CHRDL2: variants seen among roughly 807,000 people sequenced by gnomAD.
CHRDL2 encodes the protein chordin-like protein 2.
Under a neutral mutation model 54.3 loss-of-function variants are expected in CHRDL2, and 41 were observed. The observed-to-expected ratio is 0.76, with a 90% CI of 0.59 to 0.98. The LOEUF (loss-of-function observed/expected upper bound fraction) is 0.98, where lower values mean the gene tolerates loss of function less well. CHRDL2 is among the 50% of genes least tolerant of loss of function. CHRDL2 has a pLI of 0.00. For missense variants in CHRDL2, 518 were observed against 562.4 expected, an observed-to-expected ratio of 0.92 and a Z score of 0.80; for synonymous variants, 220 against 224.3, an observed-to-expected ratio of 0.98 and a Z score of 0.17.
Position 74,722,147 on chromosome 11 carries a change from AG to A in CHRDL2, c.83-3316del, listed in dbSNP as rs2034509973. Among the ~76,000 whole-genome samples the A allele has an allele frequency of 2.0e-5, 3 of 152,124 alleles. 1 individual carries two copies. Among genetic ancestry groups the A allele is most frequent in the Admixed American group, 2.0e-4 (3 of 15,276 alleles). On this transcript the variant is annotated intron_variant, in intron 1 of 10. Coordinates refer to ENST00000376332, the MANE Select transcript of CHRDL2 (RefSeq NM_001278473.3). ...TGTGTCACCTGAGTGTGAAGGAGGT[AG>A]AGTTTGTCTCATACCTCACTCCCTT... is the stretch of plus-strand genomic sequence containing the variant.
chr11:74,702,991 A>G (rs1317270277), intron 8 of CHRDL2, 24 bp from the exon 9 acceptor site: 2 of 1,580,938 alleles, frequency 1.3e-6, no homozygotes, highest in Non-Finnish European at 1.7e-6. Context: ...AAGCTCATGA[A>G]GTGTTCAATA....
intron 2 of CHRDL2, among the ~76,000 whole-genome samples, chr11:74,718,338 C>A (rs1262937302): frequency 6.6e-6 from 1 of 152,150 alleles, no homozygotes; most frequent in African/African-American, 2.4e-5. Context: ...CATCCTAAGG[C>A]AGGGCCAAAG....
At position 74,721,201 on chromosome 11, in the gene CHRDL2, C is replaced by T. The variant is rs537725162; in HGVS notation, c.83-2369G>A. On this transcript the variant is annotated intron_variant, in intron 1 of 10. Coordinates refer to ENST00000376332, the MANE Select transcript of CHRDL2 (RefSeq NM_001278473.3). ...GCTGGTCAGAGCCAGCCCAACTCTC[C>T]AAGGAGTGAATAATGTCTTTCTTCC... 3.5e-5 allele frequency among the ~76,000 whole-genome samples: 5 copies of T among 143,412 alleles called. No homozygotes were observed. The South Asian group carries it at 1.2e-3, about 34-fold the overall frequency. The allele number at this position is 143,412 out of a possible 152,430, so 94.1% of individuals were successfully genotyped here. A position where few individuals can be genotyped will look rare whatever the true frequency, so the allele number is the denominator to read the frequency against.
intron 3 of CHRDL2, among the ~76,000 whole-genome samples, chr11:74,711,388 T>G (rs1006648909): frequency 6.6e-6 from 1 of 152,224 alleles, no homozygotes; most frequent in Non-Finnish European, 1.5e-5. Flanking sequence ...GATACAGCAG[T>G]GAGCAAAAGA....
chr11:74,718,693 G>GACATCC lies in CHRDL2; in HGVS notation c.195+26_195+27insGGATGT, dbSNP rs748995474. On this transcript the variant is annotated intron_variant, in intron 2 of 10. Transcript: ENST00000376332. The stretch of plus-strand genomic sequence containing the variant: ...AGGGTTCTCAGACATCCCTGACACA[G>GACATCC]GTGGTCAGGTGGCCAGAGGAACCTA... The GACATCC allele has an allele frequency of 2.1e-6, 3 of 1,456,390 alleles. No individual in the cohort carries two copies. In the South Asian group the frequency reaches 3.5e-5, roughly 17 times the overall value. The allele number at this position is 1,456,390 out of a possible 1,614,324, so 90.2% of individuals were successfully genotyped here.
intron 6 of CHRDL2, among the ~76,000 whole-genome samples, chr11:74,705,547 G>A (rs879768194): frequency 2.6e-5 from 4 of 152,250 alleles, no homozygotes; most frequent in Non-Finnish European, 5.9e-5. Context: ...GGAGATGTGT[G>A]TTGAGTGGAA....
intron 9 of CHRDL2, chr11:74,699,520 G>C (rs2033729268): frequency 6.6e-6 from 1 of 152,328 alleles, no homozygotes; most frequent in Non-Finnish European, 1.5e-5. Flanking sequence ...CACCTATCTG[G>C]AGTAGGAGTG....
Position 74,704,529 on chromosome 11 carries a change from G to A in CHRDL2, c.708C>T (p.Gly236=), listed in dbSNP as rs538183788. ...TCAGGACGATCTTGACAGTTGTGCT[G>A]CCTGCTCCCTTGGGTCTGAAGTGGC... ...IPRHFRPKGA[G]STTVKIVLKE... is the part of the protein sequence containing the mutation. The change falls in exon 7 of 11, where the codon GGC becomes GGT. Residue 236 remains glycine, a synonymous_variant. Coordinates refer to ENST00000376332, the MANE Select transcript of CHRDL2 (RefSeq NM_001278473.3). The A allele has an allele frequency of 1.6e-4, 256 of 1,585,442 alleles. 3 individuals are homozygous for A. The South Asian group carries it at 1.9e-3, about 12-fold the overall frequency.
intron 2 of CHRDL2, among the ~76,000 whole-genome samples, chr11:74,716,591 CAG>C (rs1466845432): frequency 6.8e-6 from 1 of 146,724 alleles, no homozygotes; most frequent in Admixed American, 6.8e-5. Context: ...GAGAATAAGA[CAG>C]AAGCAGAGCC....
At chr11:74,713,362 A>G (rs1296857842) in intron 3 of CHRDL2, 24 bp downstream of exon 3, 2 of 1,601,800 alleles carry the variant, frequency 1.2e-6, no homozygotes, top group Admixed American at 3.3e-5. Flanking sequence ...TCCATGGACG[A>G]TGGGGAGGAG....
intron 6 of CHRDL2, among the ~76,000 whole-genome samples, chr11:74,704,889 G>A (rs1202355584): frequency 1.3e-5 from 2 of 152,166 alleles, no homozygotes; most frequent in African/African-American, 4.8e-5. Flanking sequence ...TGGCCTCCAC[G>A]AAGCCCTTCT....
intron 2 of CHRDL2, 112 bp from the exon 3 acceptor site, chr11:74,713,591 C>G: frequency 1.3e-6 from 1 of 776,924 alleles, no homozygotes; most frequent in Non-Finnish European, 2.1e-6. Context: ...TTGTCGTAAG[C>G]CTGTGATTGG....
chr11:74,703,768 G>C (rs959730437), intron 7 of CHRDL2, among the ~76,000 whole-genome samples: 1 of 152,248 alleles, frequency 6.6e-6, no homozygotes, highest in African/African-American at 2.4e-5. Flanking sequence ...TTCTGCGGGA[G>C]CAAGGAGAGT....
intron 7 of CHRDL2, 88 bp from the exon 8 acceptor site, chr11:74,703,587 G>A: frequency 8.2e-7 from 1 of 1,216,500 alleles, no homozygotes; most frequent in South Asian, 1.5e-5. Flanking sequence ...GTGGGCCCTT[G>A]GGGAGCCCTC....
chr11:74,700,987 C>T (rs1381001927), intron 9 of CHRDL2: 1 of 152,118 alleles, frequency 6.6e-6, no homozygotes, highest in African/African-American at 2.4e-5. Flanking sequence ...AATCTAACTC[C>T]CCAGCTGCAG....
chr11:74,729,659 G>A (rs991962438), intron 1 of CHRDL2, among the ~76,000 whole-genome samples: 1 of 152,230 alleles, frequency 6.6e-6, no homozygotes, highest in African/African-American at 2.4e-5. Flanking sequence ...AGGCATAGAT[G>A]GAGGAGCTGA....
chr11:74,721,501 T>C (rs2034499789), intron 1 of CHRDL2, among the ~76,000 whole-genome samples: 1 of 152,182 alleles, frequency 6.6e-6, no homozygotes, highest in South Asian at 2.1e-4. Flanking sequence ...AGGCCTCCAG[T>C]GGCCACAATC....
chr11:74,713,570 G>A (rs369155776), intron 2 of CHRDL2, 91 bp from the exon 3 acceptor site: 2 of 989,624 alleles, frequency 2.0e-6, no homozygotes, highest in East Asian at 2.5e-5. Flanking sequence ...CCCAACTGCA[G>A]AAGTCTGAAC....
In CHRDL2 at chr11:74,696,488, T is replaced by TCTGCAA. The variant is rs776028855; in HGVS notation, c.*15_*20dup. 953 of 1,587,138 alleles carry TCTGCAA rather than the reference T, an allele frequency of 6.0e-4. No individual in the cohort carries two copies. The highest frequency in any genetic ancestry group is 6.9e-4 in the Non-Finnish European group (803 of 1,155,404). ...AATAACAACAATTATACAGCTCATATCTGCAACTGTTAGGTCTTTGTTATG... is the reference window on the plus strand; with the variant it reads ...AATAACAACAATTATACAGCTCATATCTGCAACTGCAACTGTTAGGTCTTTGTTATG... On this transcript the variant is annotated 3_prime_UTR_variant, in exon 11 of 11. Coordinates refer to ENST00000376332, the MANE Select transcript of CHRDL2 (RefSeq NM_001278473.3).
Sources: gnomAD v4.1 joint callset for allele counts (sites outside exome capture counted in the v4.1 genomes callset) on GRCh38, gnomAD v4.1.1 for gene constraint, MANE v1.5 for transcripts, NCBI Gene and HGNC (gene_info 2026-07-23, HGNC 2026-07-21) for gene names.